KANSL1: variants seen among roughly 807,000 people sequenced by gnomAD.
KANSL1 encodes KAT8 regulatory NSL complex subunit 1.
Under a neutral mutation model 103.6 loss-of-function variants are expected in KANSL1, and 22 were observed. The ratio of observed to expected loss-of-function variants is 0.21; its 90% CI spans 0.15 to 0.30. The LOEUF (loss-of-function observed/expected upper bound fraction) is 0.30, where lower values mean the gene tolerates loss of function less well. Ranked by LOEUF, KANSL1 falls within the 10% of genes least tolerant of loss-of-function variation. The pLI, the probability that KANSL1 is intolerant of heterozygous loss-of-function variation, is 1.00. For synonymous variants in KANSL1, 600 were observed against 527.6 expected (o/e 1.14, Z -1.88); for missense variants, 1,337 against 1,399.8 (o/e 0.96, Z 0.72).
At chr17:46,128,457 G>A (rs1174080416) in intron 2 of KANSL1, among the ~76,000 whole-genome samples, 1 of 152,184 alleles carries the variant, frequency 6.6e-6, no homozygotes, top group African/African-American at 2.4e-5. Flanking sequence ...AAAAAAAAGT[G>A]TGTGTATGCA....
intron 7 of KANSL1, chr17:46,043,328 T>G: frequency 6.6e-6 from 1 of 150,728 alleles, no homozygotes; most frequent in Non-Finnish European, 1.5e-5. Flanking sequence ...GGGACAGGGA[T>G]ATGAGAGACC....
At chr17:46,081,192 A>C (rs1024044591) in intron 4 of KANSL1, among the ~76,000 whole-genome samples, 8 of 152,208 alleles carry the variant, frequency 5.3e-5, no homozygotes, top group Non-Finnish European at 8.8e-5. Context: ...CAGGGAGATT[A>C]CTCAAAAAAG....
chr17:46,104,591 T>G (rs1176359388), intron 2 of KANSL1, among the ~76,000 whole-genome samples: 2 of 152,198 alleles, frequency 1.3e-5, no homozygotes, highest in Non-Finnish European at 2.9e-5. Context: ...ACAAGTAAAT[T>G]TGCAAAAAAT....
chr17:46,052,540 G>A (rs2077745831), intron 6 of KANSL1, among the ~76,000 whole-genome samples: 1 of 152,026 alleles, frequency 6.6e-6, no homozygotes, highest in Non-Finnish European at 1.5e-5. Flanking sequence ...GGGAGGCAGA[G>A]GTTGCAGTGA....
intron 2 of KANSL1, among the ~76,000 whole-genome samples, chr17:46,119,500 T>C (rs972817917): frequency 1.3e-5 from 2 of 152,060 alleles, no homozygotes; most frequent in African/African-American, 2.4e-5. Context: ...AAAGACGAGG[T>C]TTCACCATGT....
At chr17:46,193,915 G>A (rs1209460578), upstream of KANSL1, 1 of 156,740 alleles carries the variant, frequency 6.4e-6, no homozygotes, top group African/African-American at 2.4e-5. Context: ...ACTATTCCAA[G>A]GCTAACCCTG....
chr17:46,144,614 T>TAC (rs2044599790), intron 2 of KANSL1, among the ~76,000 whole-genome samples: 1 of 152,076 alleles, frequency 6.6e-6, no homozygotes, highest in East Asian at 1.9e-4. Context: ...TGACAGGGGG[T>TAC]ACCACGTGGA....
chr17:46,225,296 CA>C (rs1239648886), upstream of KANSL1: 5 of 152,556 alleles, frequency 3.3e-5, no homozygotes, highest in African/African-American at 1.2e-4. Context: ...CCCCCACCCC[CA>C]GGGGCACCAG....
upstream of KANSL1, among the ~76,000 whole-genome samples, chr17:46,198,177 G>A (rs1420651311): frequency 6.6e-6 from 1 of 152,112 alleles, no homozygotes; most frequent in Non-Finnish European, 1.5e-5. Flanking sequence ...TAGGTAGCCC[G>A]ATTCTAATCC....
At chr17:46,093,312 C>G (rs1188802478) in intron 3 of KANSL1, 2 of 152,708 alleles carry the variant, frequency 1.3e-5, no homozygotes, top group East Asian at 3.9e-4. Flanking sequence ...GCAAAATATG[C>G]ACCAAATCTA....
intron 1 of KANSL1, among the ~76,000 whole-genome samples, chr17:46,188,242 T>C (rs545027866): frequency 3.3e-5 from 5 of 152,240 alleles, no homozygotes; most frequent in Non-Finnish European, 7.3e-5. Context: ...TGGATATTTG[T>C]CTTTTCTAAT....
At position 46,031,015 on chromosome 17, in the gene KANSL1, G is replaced by A. The variant is rs1300792640; in HGVS notation, c.*461C>T. The A allele has an allele frequency of 1.1e-4, 17 of 159,426 alleles. No homozygotes were observed. Among genetic ancestry groups the A allele is most frequent in the Non-Finnish European group, 2.1e-4 (15 of 72,988 alleles). 9.9% of individuals were successfully genotyped at this position (159,426 alleles called of 1,614,324 possible). On this transcript the variant is annotated 3_prime_UTR_variant, in exon 15 of 15. Coordinates refer to ENST00000432791, the MANE Select transcript of KANSL1 (RefSeq NM_015443.4). Reference sequence around the variant, plus strand: ...AAAAACCAAGGGGACCCAGCCAGGAGGGCCACAGCAGAGCCAAGCCACAGA... The same window carrying A: ...AAAAACCAAGGGGACCCAGCCAGGAAGGCCACAGCAGAGCCAAGCCACAGA...
intron 6 of KANSL1, among the ~76,000 whole-genome samples, chr17:46,059,770 A>C (rs2078092360): frequency 6.6e-6 from 1 of 152,022 alleles, no homozygotes; most frequent in South Asian, 2.1e-4. Context: ...ACTGGAGTGC[A>C]GTAGCTTGAT....
chr17:46,171,682 T>G lies in KANSL1; in HGVS notation c.462A>C (p.Val154=). Residue 154 remains valine (V), a synonymous_variant, in exon 2 of 15, where the codon GTA becomes GTC. Transcript: ENST00000432791. ...TAGTCAATTTCTTAGCCAACCCATT[T>G]ACAGGTGCTTGTGGCAGAGCTGTCT... ...SGQTALPQAP[V]NGLAKKLTKS... 1 of 1,554,554 alleles carries G rather than the reference T, an allele frequency of 6.4e-7. No homozygotes were observed. The highest frequency in any genetic ancestry group is 8.7e-7 in the Non-Finnish European group (1 of 1,154,876).
chr17:46,079,943 C>T (rs1010638714), intron 4 of KANSL1, among the ~76,000 whole-genome samples: 7 of 151,842 alleles, frequency 4.6e-5, no homozygotes. Context: ...CACCACTGCA[C>T]TCCAGCCTGG....
At chr17:46,131,565 C>T (rs1486185444) in intron 2 of KANSL1, among the ~76,000 whole-genome samples, 1 of 152,182 alleles carries the variant, frequency 6.6e-6, no homozygotes, top group African/African-American at 2.4e-5. Flanking sequence ...ACAATGACAA[C>T]CCATCATCTT....
chr17:46,084,602 A>G (rs950797694), intron 3 of KANSL1, among the ~76,000 whole-genome samples: 5 of 151,152 alleles, frequency 3.3e-5, no homozygotes, highest in African/African-American at 1.2e-4. Context: ...GAATCGCTTG[A>G]ACCTGGGAGG....
At chr17:46,058,259 G>T (rs761167780) in intron 6 of KANSL1, among the ~76,000 whole-genome samples, 2 of 152,226 alleles carry the variant, frequency 1.3e-5, no homozygotes, top group African/African-American at 2.4e-5. Context: ...CAACTAGGCA[G>T]CTGTGAGCTG....
intron 2 of KANSL1, among the ~76,000 whole-genome samples, chr17:46,165,700 G>A (rs1002104513): frequency 1.1e-4 from 16 of 150,984 alleles, no homozygotes; most frequent in African/African-American, 3.7e-4. Flanking sequence ...TGGTAGAGAC[G>A]GGGTTTCACC....
Sources: allele counts gnomAD v4.1 joint callset (sites outside exome capture counted in the v4.1 genomes callset), GRCh38; gene constraint gnomAD v4.1.1; transcripts MANE v1.5; gene names NCBI Gene and HGNC (gene_info 2026-07-23, HGNC 2026-07-21).